ATXN2: variants seen among roughly 807,000 people sequenced by gnomAD.
ATXN2 encodes the protein ataxin 2, also known as ataxin-2.
Under a neutral mutation model 138.6 loss-of-function variants are expected in ATXN2, and 37 were observed. That is an observed-to-expected ratio of 0.27 (90% CI 0.21 to 0.35). The LOEUF (loss-of-function observed/expected upper bound fraction) is 0.35, where lower values mean the gene tolerates loss of function less well. Among genes scored for constraint, ATXN2 ranks in the 10% least tolerant of loss-of-function variants. The pLI is 1.00. For synonymous variants in ATXN2, 549 were observed against 543.7 expected, an observed-to-expected ratio of 1.01 and a Z score of -0.13; for missense variants, 1,216 against 1,480.3, an observed-to-expected ratio of 0.82 and a Z score of 2.93.
chr12:111,492,499 T>A (rs1233011619), intron 14 of ATXN2, among the ~76,000 whole-genome samples: 1 of 152,122 alleles, frequency 6.6e-6, no homozygotes, highest in Non-Finnish European at 1.5e-5. Flanking sequence ...CTGACCAACA[T>A]GGTGAAACAC....
rs1450469347 is a variant in ATXN2 at position 111,453,852 on chromosome 12, C to G, written c.3271-7G>C. The G allele has an allele frequency of 8.7e-6, 14 of 1,602,144 alleles. No homozygotes were observed. Among genetic ancestry groups the G allele is most frequent in the Non-Finnish European group, 1.2e-5 (14 of 1,173,178 alleles). Reference sequence around the variant, plus strand: ...TTCCTGACTGTACATGAGCCTGAAACAGAGAGCTCTTTTACGCATACAGGC... The same window carrying G: ...TTCCTGACTGTACATGAGCCTGAAAGAGAGAGCTCTTTTACGCATACAGGC... On this transcript the variant is annotated splice_polypyrimidine_tract_variant and splice_region_variant and intron_variant, in intron 23 of 24. Transcript: ENST00000673436. This position sits in a 1 kb window ranked among gnomAD's most constrained non-coding sequence, Gnocchi z 5.4.
chr12:111,588,572 A>G (rs895943968), intron 1 of ATXN2, among the ~76,000 whole-genome samples: 1 of 151,452 alleles, frequency 6.6e-6, no homozygotes, highest in African/African-American at 2.4e-5. Flanking sequence ...CAATGAGCCG[A>G]GATCGCACCA....
chr12:111,543,219 G>T (rs1032699888), intron 5 of ATXN2, among the ~76,000 whole-genome samples: 1 of 152,106 alleles, frequency 6.6e-6, no homozygotes, highest in African/African-American at 2.4e-5. Flanking sequence ...CAAAGTTGAG[G>T]CCGTAAACAG....
intron 5 of ATXN2, among the ~76,000 whole-genome samples, chr12:111,549,517 T>C (rs923283020): frequency 1.1e-4 from 16 of 149,170 alleles, no homozygotes; most frequent in East Asian, 2.0e-4. Flanking sequence ...GCCTGGGAAA[T>C]AGAGTGAGAC....
At chr12:111,512,019 G>A (rs1879557356) in intron 11 of ATXN2, 1 of 152,012 alleles carries the variant, frequency 6.6e-6, no homozygotes, top group African/African-American at 2.4e-5. Context: ...CACCCAGACT[G>A]GAGTGCAATG....
chr12:111,507,296 A>C (rs1420219444), intron 14 of ATXN2, among the ~76,000 whole-genome samples: 1 of 139,362 alleles, frequency 7.2e-6, no homozygotes, highest in East Asian at 2.2e-4. Flanking sequence ...GGATGTGAGG[A>C]GCGCCTCTGC....
At chr12:111,507,587 G>T (rs1486906715) in intron 14 of ATXN2, among the ~76,000 whole-genome samples, 1 of 151,172 alleles carries the variant, frequency 6.6e-6, no homozygotes, top group South Asian at 2.1e-4. Context: ...GAGGTGGGGG[G>T]CACCTCTGCC....
intron 10 of ATXN2, 73 bp from the exon 11 acceptor site, chr12:111,513,612 C>CA (rs1029254162): frequency 3.5e-5 from 46 of 1,330,886 alleles, no homozygotes; most frequent in Middle Eastern, 2.0e-4. Context: ...TAAATACACC[C>CA]ATTCACACAC....
intron 5 of ATXN2, among the ~76,000 whole-genome samples, chr12:111,542,412 G>A (rs1410391662): frequency 6.6e-6 from 1 of 151,880 alleles, no homozygotes; most frequent in Non-Finnish European, 1.5e-5. Flanking sequence ...TGTATTTTTA[G>A]TAGAGCCATG....
rs1216390488 is a variant in ATXN2, at chr12:111,509,593, T to C, written c.1891A>G (p.Arg631Gly). The change falls in exon 14 of 25, where the codon AGA becomes GGA. Residue 631 changes from arginine (R) to glycine (G), a missense_variant. Around this residue, in one of 4 missense-constraint regions of ATXN2, gnomAD observed 215 missense variants for 210.0 expected, o/e 1.02. Transcript: ENST00000673436. ...KGISPVVSEH[R>G]KQIDDLKKFK... The stretch of plus-strand genomic sequence containing the variant: ...TTCTTTAAATCATCAATCTGTTTTC[T>C]ATGTTCAGAAACAACTGGTGATATA... 6.7e-7 allele frequency: 1 copy of C among 1,494,378 alleles called. No homozygotes were observed. Among genetic ancestry groups the C allele is most frequent in the Non-Finnish European group, 9.2e-7 (1 of 1,085,284 alleles). 92.6% of individuals were successfully genotyped at this position (1,494,378 alleles called of 1,614,324 possible). A position where few individuals can be genotyped will look rare whatever the true frequency, so the allele number is the denominator to read the frequency against.
At chr12:111,577,478 G>A (rs1420729348) in intron 1 of ATXN2, among the ~76,000 whole-genome samples, 2 of 151,446 alleles carry the variant, frequency 1.3e-5, no homozygotes, top group Non-Finnish European at 2.9e-5. Flanking sequence ...TGTTAGCCAG[G>A]ATGGTCTCGA....
In ATXN2 at chr12:111,466,010, A is replaced by C. The variant is rs575348578; in HGVS notation, c.2843-1295T>G. 5.3e-5 allele frequency among the ~76,000 whole-genome samples: 8 copies of C among 150,950 alleles called. No homozygotes were observed. In the East Asian group the frequency reaches 1.2e-3, roughly 22 times the overall value. On this transcript the variant is annotated intron_variant, in intron 20 of 24. Transcript: ENST00000673436. ...GTGAAACCCTGTCTCTACTAAAAACACAAAAATTAGCCAGGTGTGGTGGCG... is the reference window on the plus strand; with the variant it reads ...GTGAAACCCTGTCTCTACTAAAAACCCAAAAATTAGCCAGGTGTGGTGGCG...
chr12:111,488,863 T>C (rs1051645471), intron 14 of ATXN2, 83 bp from the exon 15 acceptor site: 2 of 1,134,432 alleles, frequency 1.8e-6, no homozygotes, highest in African/African-American at 3.1e-5. Flanking sequence ...CTACGTAATA[T>C]TAACTATACG....
intron 3 of ATXN2, among the ~76,000 whole-genome samples, chr12:111,553,572 C>CCAA (rs1882231284): frequency 2.0e-5 from 1 of 48,916 alleles, no homozygotes; most frequent in South Asian, 1.3e-3. Flanking sequence ...TCTTTTTTCT[C>CCAA]AAAAAAAAAA....
chr12:111,556,041 C>T, intron 1 of ATXN2, 122 bp from the exon 2 acceptor site: 2 of 799,794 alleles, frequency 2.5e-6, no homozygotes, highest in Non-Finnish European at 3.8e-6. Context: ...GAGAGCTCAC[C>T]TAATATTAAG....
chr12:111,457,121 G>T, intron 22 of ATXN2, 93 bp downstream of exon 22: 1 of 1,429,502 alleles, frequency 7.0e-7, no homozygotes, highest in Non-Finnish European at 9.5e-7. Flanking sequence ...GACATGCCAT[G>T]TGTTCTGACG....
At chr12:111,494,150 G>A (rs1024706375) in intron 14 of ATXN2, among the ~76,000 whole-genome samples, 4 of 151,820 alleles carry the variant, frequency 2.6e-5, no homozygotes, top group East Asian at 1.9e-4. Context: ...GGCTGGTCTC[G>A]AACTCCTGAC....
intron 14 of ATXN2, among the ~76,000 whole-genome samples, chr12:111,508,132 G>A (rs1234702835): frequency 6.8e-6 from 1 of 147,930 alleles, no homozygotes; most frequent in Non-Finnish European, 1.5e-5. Flanking sequence ...CCCCCTCTGC[G>A]AGAAACACCC....
chr12:111,575,383 T>C (rs1883580191), intron 1 of ATXN2, among the ~76,000 whole-genome samples: 1 of 152,104 alleles, frequency 6.6e-6, no homozygotes, highest in Admixed American at 6.6e-5. Context: ...GATGGGGTCT[T>C]GTTATGTTTC....
Sources: allele counts gnomAD v4.1 joint callset (sites outside exome capture counted in the v4.1 genomes callset), GRCh38; gene constraint gnomAD v4.1.1; regional missense constraint gnomAD v4.1.1; non-coding constraint Gnocchi (gnomAD v3.1); transcripts MANE v1.5; gene names NCBI Gene and HGNC (gene_info 2026-07-23, HGNC 2026-07-21).